Variants in GREB1L observed in about 807,000 individuals in gnomAD.
GREB1L encodes GREB1-like protein.
Under a neutral mutation model 200.8 loss-of-function variants are expected in GREB1L, and 17 were observed. The observed-to-expected ratio is 0.08, with a 90% CI of 0.06 to 0.13. The LOEUF is 0.13. GREB1L is among the 10% of genes least tolerant of loss of function. The pLI is 1.00. For synonymous variants in GREB1L, 789 were observed against 893.0 expected, an observed-to-expected ratio of 0.88 and a Z score of 2.08; for missense variants, 1,657 against 2,367.7, an observed-to-expected ratio of 0.70 and a Z score of 6.23.
intron 2 of GREB1L, among the ~76,000 whole-genome samples, chr18:21,379,174 TA>T (rs1210801343): frequency 1.3e-5 from 2 of 152,228 alleles, no homozygotes; most frequent in African/African-American, 4.8e-5. Context: ...AAAATTAAAC[TA>T]AAAAGACCTG....
chr18:21,392,492 T>G (rs1385402368), intron 4 of GREB1L, among the ~76,000 whole-genome samples: 1 of 152,186 alleles, frequency 6.6e-6, no homozygotes, highest in East Asian at 1.9e-4. Context: ...GCACTTAAAA[T>G]TGCTAAAGAA....
intron 1 of GREB1L, among the ~76,000 whole-genome samples, chr18:21,253,451 G>A (rs1377731386): frequency 2.0e-5 from 3 of 151,714 alleles, no homozygotes; most frequent in Non-Finnish European, 2.9e-5. Context: ...AGGTTTCACC[G>A]TGTTGGCCAG....
chr18:21,394,963 G>A (rs2040981941), intron 4 of GREB1L, among the ~76,000 whole-genome samples: 1 of 150,584 alleles, frequency 6.6e-6, no homozygotes, highest in Admixed American at 6.6e-5. Context: ...AATTAGCCGG[G>A]TGTGGTGGCG....
chr18:21,336,424 C>A (rs569049981), intron 1 of GREB1L, among the ~76,000 whole-genome samples: 13 of 152,156 alleles, frequency 8.5e-5, no homozygotes, highest in African/African-American at 2.7e-4. Flanking sequence ...AGTGAGAGAC[C>A]CTGATTGCTT....
chr18:21,496,353 T>A, intron 20 of GREB1L, 101 bp from the exon 21 acceptor site: 1 of 1,322,430 alleles, frequency 7.6e-7, no homozygotes. Flanking sequence ...CTGAAACCTA[T>A]GATTTTAACT....
At chr18:21,430,885 C>A (rs1390438752) in intron 7 of GREB1L, among the ~76,000 whole-genome samples, 1 of 151,410 alleles carries the variant, frequency 6.6e-6, no homozygotes, top group Admixed American at 6.6e-5. Flanking sequence ...CGTGAGCCAC[C>A]GCACCTGGCC....
chr18:21,388,916 A>G (rs1428099246), intron 4 of GREB1L, among the ~76,000 whole-genome samples: 2 of 151,880 alleles, frequency 1.3e-5, no homozygotes, highest in African/African-American at 2.4e-5. Flanking sequence ...ACAGAGGTAA[A>G]TTTTTATCTT....
At chr18:21,514,058 A>G in intron 28 of GREB1L, 72 bp downstream of exon 28, 2 of 1,373,206 alleles carry the variant, frequency 1.5e-6, no homozygotes, top group Non-Finnish European at 2.0e-6. Flanking sequence ...CTACAGTTAC[A>G]TACGGAAGTA....
At chr18:21,408,731 T>C (rs1007793910) in intron 7 of GREB1L, among the ~76,000 whole-genome samples, 4 of 148,946 alleles carry the variant, frequency 2.7e-5, no homozygotes, top group African/African-American at 9.9e-5. Flanking sequence ...CAGGTGGAGG[T>C]TGCAGTGAGC....
intron 1 of GREB1L, among the ~76,000 whole-genome samples, chr18:21,249,729 G>A (rs1296834494): frequency 6.6e-6 from 1 of 152,138 alleles, no homozygotes; most frequent in East Asian, 1.9e-4. Context: ...GCATCGTGGT[G>A]TATGCCTGTA....
At chr18:21,339,579 A>C (rs1195293623) in intron 1 of GREB1L, among the ~76,000 whole-genome samples, 1 of 152,216 alleles carries the variant, frequency 6.6e-6, no homozygotes, top group Non-Finnish European at 1.5e-5. Context: ...TTCTTGAACA[A>C]GTCACTCAAC....
At chr18:21,306,814 A>G (rs548436167) in intron 1 of GREB1L, among the ~76,000 whole-genome samples, 1 of 152,254 alleles carries the variant, frequency 6.6e-6, no homozygotes, top group Admixed American at 6.5e-5. Context: ...GCATATGCCT[A>G]TGCTTAAGGG....
Position 21,523,942 on chromosome 18 carries a change from GGT to G in GREB1L, c.*1124_*1125del, listed in dbSNP as rs1447853104. 6.6e-6 allele frequency: 1 copy of G among 152,052 alleles called. No individual in the cohort carries two copies. Among genetic ancestry groups the G allele is most frequent in the Admixed American group, 6.6e-5 (1 of 15,254 alleles). 9.4% of individuals were successfully genotyped at this position (152,052 alleles called of 1,614,324 possible). A position where few individuals can be genotyped will look rare whatever the true frequency, so the allele number is the denominator to read the frequency against. ...TTTTGATTCATTAAAATCAGCAGGG[GGT>G]GTTTGTCCAGTATCGGCAATGGGAG... On this transcript the variant is annotated 3_prime_UTR_variant, in exon 33 of 33. Transcript: ENST00000424526.
At chr18:21,492,452 G>T (rs1410866550) in intron 19 of GREB1L, among the ~76,000 whole-genome samples, 1 of 152,336 alleles carries the variant, frequency 6.6e-6, no homozygotes, top group East Asian at 1.9e-4. Context: ...ATGCACGTGA[G>T]GCTGCTGGGT....
At chr18:21,402,532 C>G (rs989316234) in intron 6 of GREB1L, among the ~76,000 whole-genome samples, 1 of 148,412 alleles carries the variant, frequency 6.7e-6, no homozygotes, top group South Asian at 2.1e-4. Flanking sequence ...CCCTTCCTTT[C>G]CTTTCTTTTC....
intron 1 of GREB1L, among the ~76,000 whole-genome samples, chr18:21,325,355 T>C (rs2144964652): frequency 6.6e-6 from 1 of 152,302 alleles, no homozygotes; most frequent in East Asian, 1.9e-4. Context: ...TAACCAAGTA[T>C]CTGCTACATT....
intron 7 of GREB1L, among the ~76,000 whole-genome samples, chr18:21,425,418 G>A (rs11662506): frequency 1.3e-5 from 2 of 152,196 alleles, no homozygotes; most frequent in Admixed American, 1.3e-4. Context: ...TTCAAACCTA[G>A]GAGTGGAATT....
At chr18:21,306,393 A>G (rs141841034) in intron 1 of GREB1L, among the ~76,000 whole-genome samples, 35 of 152,310 alleles carry the variant, frequency 2.3e-4, no homozygotes, top group Admixed American at 2.0e-4. Context: ...TGGTTATTCA[A>G]TCAATTTGTG....
At chr18:21,336,977 TTG>T (rs113965730) in intron 1 of GREB1L, among the ~76,000 whole-genome samples, 7,694 of 152,274 alleles carry the variant, frequency 0.051, 654 homozygotes, top group African/African-American at 0.18. Flanking sequence ...TGTGATTTTA[TTG>T]CTTAACTTTT....
Sources: gnomAD v4.1 joint callset for allele counts (sites outside exome capture counted in the v4.1 genomes callset) on GRCh38, gnomAD v4.1.1 for gene constraint, MANE v1.5 for transcripts, NCBI Gene and HGNC (gene_info 2026-07-23, HGNC 2026-07-21) for gene names.